ATXN1: variants seen among roughly 807,000 people sequenced by gnomAD.
ATXN1 encodes ataxin 1.
Under a neutral mutation model 56.4 loss-of-function variants are expected in ATXN1, and 8 were observed. That is an observed-to-expected ratio of 0.14 (90% confidence interval 0.08 to 0.26). The LOEUF (loss-of-function observed/expected upper bound fraction) is 0.26, where lower values mean the gene tolerates loss of function less well. Ranked by LOEUF, ATXN1 falls within the 10% of genes least tolerant of loss-of-function variation. The probability of loss-of-function intolerance (pLI) is 1.00; values close to 1 mark genes in which losing one functional copy is unlikely to be tolerated. For missense variants in ATXN1, 987 were observed against 1,106.5 expected (o/e 0.89, Z 1.53); for synonymous variants, 514 against 494.6 (o/e 1.04, Z -0.52).
chr6:16,733,590 G>C (rs577319602), intron 2 of ATXN1, among the ~76,000 whole-genome samples: 1 of 152,184 alleles, frequency 6.6e-6, no homozygotes, highest in East Asian at 1.9e-4. Context: ...AACAGGCCAG[G>C]CATGGTGGTT....
intron 6 of ATXN1, among the ~76,000 whole-genome samples, chr6:16,449,986 T>C (rs972551583): frequency 6.6e-6 from 1 of 152,378 alleles, no homozygotes; most frequent in South Asian, 2.1e-4. Context: ...CTTGATTTTA[T>C]AAGTCAGCAT....
chr6:16,465,509 A>T (rs1335799516), intron 6 of ATXN1, among the ~76,000 whole-genome samples: 1 of 151,886 alleles, frequency 6.6e-6, no homozygotes, highest in Non-Finnish European at 1.5e-5. Flanking sequence ...CATAAAGATG[A>T]CTCCCAGGCA....
intron 6 of ATXN1, among the ~76,000 whole-genome samples, chr6:16,465,459 AAAAAC>A (rs757039003): frequency 1.3e-5 from 2 of 152,164 alleles, no homozygotes; most frequent in African/African-American, 2.4e-5. Context: ...TTCCATTTCC[AAAAAC>A]AAAACAAAAC....
chr6:16,621,891 T>C (rs1318453974), intron 3 of ATXN1, among the ~76,000 whole-genome samples: 1 of 152,240 alleles, frequency 6.6e-6, no homozygotes, highest in Non-Finnish European at 1.5e-5. Context: ...CTTTGAATTC[T>C]AGCCTCCACC....
chr6:16,687,384 T>C (rs1206559279), intron 2 of ATXN1, among the ~76,000 whole-genome samples: 3 of 152,012 alleles, frequency 2.0e-5, no homozygotes, highest in African/African-American at 7.2e-5. Flanking sequence ...AAAAGTACAA[T>C]GTATTAAGAA....
chr6:16,655,806 C>T (rs768278945), intron 3 of ATXN1, among the ~76,000 whole-genome samples: 12 of 151,678 alleles, frequency 7.9e-5, no homozygotes, highest in Non-Finnish European at 1.5e-4. Context: ...TTATTTACTG[C>T]GGGCCGGGTG....
chr6:16,482,764 G>A (rs567116280), intron 6 of ATXN1, among the ~76,000 whole-genome samples: 2 of 152,236 alleles, frequency 1.3e-5, no homozygotes, highest in South Asian at 4.2e-4. Context: ...TTGTGGAAAG[G>A]GTTTCATGGT....
Position 16,327,676 on chromosome 6 carries a change from T to G in ATXN1, c.635A>C (p.Gln212Pro). 6 of 1,029,606 alleles carry G rather than the reference T, an allele frequency of 5.8e-6. No individual in the cohort carries two copies. The highest frequency in any genetic ancestry group is 7.8e-6 in the Non-Finnish European group (6 of 770,626). 63.8% of individuals were successfully genotyped at this position (1,029,606 alleles called of 1,614,324 possible). ...CTGCTGCTGCTGCTGCTGCTGCTGCTGATGCTGATGCTGCTGCTGCTGCTG... is the reference window on the plus strand; with the variant it reads ...CTGCTGCTGCTGCTGCTGCTGCTGCGGATGCTGATGCTGCTGCTGCTGCTG... ...QQQQQQQHQH[Q>P]QQQQQQQQQQ... Residue 212 changes from glutamine (Q) to proline (P), a missense_variant, in exon 7 of 8, where the codon CAG becomes CCG. This residue lies in a region of ATXN1 where 723 missense variants were observed against 791.7 expected (regional missense o/e 0.91). Coordinates refer to ENST00000436367, the MANE Select transcript of ATXN1 (RefSeq NM_001128164.2).
intron 2 of ATXN1, among the ~76,000 whole-genome samples, chr6:16,672,853 T>C (rs961433024): frequency 2.0e-5 from 3 of 151,682 alleles, no homozygotes; most frequent in Non-Finnish European, 4.4e-5. Context: ...AACCCCACTC[T>C]AGTAAAAATA....
intron 4 of ATXN1, among the ~76,000 whole-genome samples, chr6:16,543,468 G>A (rs986457069): frequency 3.3e-5 from 5 of 151,792 alleles, no homozygotes; most frequent in African/African-American, 1.2e-4. Flanking sequence ...CTAAAGGCAG[G>A]GCACATAAGA....
chr6:16,364,791 C>T (rs1314355117), intron 6 of ATXN1, among the ~76,000 whole-genome samples: 4 of 126,800 alleles, frequency 3.2e-5, no homozygotes, highest in South Asian at 2.7e-4. Context: ...GTTCAGGGAT[C>T]CACTCGTTCA....
At chr6:16,589,222 C>T (rs528245091) in intron 3 of ATXN1, among the ~76,000 whole-genome samples, 1 of 152,098 alleles carries the variant, frequency 6.6e-6, no homozygotes, top group African/African-American at 2.4e-5. Context: ...CCTATTAAAG[C>T]AATTATCATA....
rs1201046638 is a variant in ATXN1 at position 16,306,968 on chromosome 6, C to G, written c.1918-109G>C. 8 of 1,279,468 alleles carry G rather than the reference C, an allele frequency of 6.3e-6. No homozygotes were observed. The highest frequency in any genetic ancestry group is 6.1e-5 in the South Asian group (4 of 65,910). The allele number at this position is 1,279,468 out of a possible 1,614,324, so 79.3% of individuals were successfully genotyped here. A position where few individuals can be genotyped will look rare whatever the true frequency, so the allele number is the denominator to read the frequency against. On this transcript the variant is annotated intron_variant, in intron 7 of 7. Coordinates refer to ENST00000436367, the MANE Select transcript of ATXN1 (RefSeq NM_001128164.2). This position sits in a 1 kb window ranked among gnomAD's most constrained non-coding sequence, Gnocchi z 5.2. The stretch of plus-strand genomic sequence containing the variant: ...ACACAGGTATGAACTCACACAGACA[C>G]ACACAGGCTGAATGGGGGAAAATGA...
At chr6:16,629,917 CAA>C (rs56412324) in intron 3 of ATXN1, among the ~76,000 whole-genome samples, 2 of 145,690 alleles carry the variant, frequency 1.4e-5, no homozygotes, top group Non-Finnish European at 1.5e-5. Flanking sequence ...AACTCCATCT[CAA>C]AAAAAAAAAA....
At chr6:16,602,040 T>C (rs1009970719) in intron 3 of ATXN1, among the ~76,000 whole-genome samples, 4 of 152,072 alleles carry the variant, frequency 2.6e-5, no homozygotes, top group Non-Finnish European at 4.4e-5. Context: ...CTTAAGAAAA[T>C]TAATATTGCC....
chr6:16,514,060 C>T (rs1302016222), intron 5 of ATXN1, among the ~76,000 whole-genome samples: 1 of 151,962 alleles, frequency 6.6e-6, no homozygotes, highest in African/African-American at 2.4e-5. Flanking sequence ...TGCACACAGC[C>T]GTAGCGTCTC....
At chr6:16,436,084 G>A (rs1935347879) in intron 6 of ATXN1, among the ~76,000 whole-genome samples, 1 of 151,986 alleles carries the variant, frequency 6.6e-6, no homozygotes, top group African/African-American at 2.4e-5. Flanking sequence ...TTTTAGTAGA[G>A]ATGGGGTTTC....
chr6:16,705,370 A>G (rs1759384976), intron 2 of ATXN1, among the ~76,000 whole-genome samples: 2 of 152,302 alleles, frequency 1.3e-5, no homozygotes, highest in Admixed American at 6.5e-5. Flanking sequence ...AAGTAACGTA[A>G]ACATCCACAT....
intron 3 of ATXN1, among the ~76,000 whole-genome samples, chr6:16,650,757 A>T (rs541810036): frequency 6.6e-6 from 1 of 152,316 alleles, no homozygotes; most frequent in African/African-American, 2.4e-5. Flanking sequence ...CTGTTCAAAT[A>T]AGGCGAACGC....
Sources: allele counts gnomAD v4.1 joint callset (sites outside exome capture counted in the v4.1 genomes callset), GRCh38; gene constraint gnomAD v4.1.1; regional missense constraint gnomAD v4.1.1; non-coding constraint Gnocchi (gnomAD v3.1); transcripts MANE v1.5; gene names NCBI Gene and HGNC (gene_info 2026-07-23, HGNC 2026-07-21).